The following TSC22D2 variants were observed in gnomAD, a reference collection of about 807,000 sequenced individuals.
TSC22D2 encodes TSC22 domain family protein 2.
In TSC22D2, 5 loss-of-function variants were observed where a neutral mutation model predicts 50.1. That is an observed-to-expected ratio of 0.10 (90% CI 0.05 to 0.21). The LOEUF (loss-of-function observed/expected upper bound fraction) is 0.21. TSC22D2 is among the 10% of genes least tolerant of loss of function. The pLI is 1.00. For synonymous variants in TSC22D2, 501 were observed against 450.1 expected (o/e 1.11, Z -1.43); for missense variants, 1,003 against 1,015.5 (o/e 0.99, Z 0.17).
intron 1 of TSC22D2, among the ~76,000 whole-genome samples, chr3:150,416,341 C>G (rs533607587): frequency 7.0e-4 from 105 of 150,812 alleles, no homozygotes; most frequent in Non-Finnish European, 1.3e-3. Flanking sequence ...TCTGGTTAAA[C>G]ATAGCCTGAA....
chr3:150,415,560 A>G (rs1719767192), intron 1 of TSC22D2, among the ~76,000 whole-genome samples: 1 of 152,234 alleles, frequency 6.6e-6, no homozygotes, highest in African/African-American at 2.4e-5. Flanking sequence ...ATGCCTTGTA[A>G]TCCTGGCACT....
intron 1 of TSC22D2, chr3:150,423,387 A>T (rs1720078641): frequency 4.4e-6 from 1 of 227,218 alleles, no homozygotes; most frequent in South Asian, 1.8e-4. Flanking sequence ...CTTATGAAAT[A>T]GTCACTTCCC....
Position 150,410,906 on chromosome 3 carries a change from C to G in TSC22D2, c.1556C>G (p.Pro519Arg). ...GCAGCCGTGCCCGCTCCAAGCGTGC[C>G]TAGTGTGTCTACCACTTCTGTTACT... ...VPAAVPAPSVPSVSTTSVTMP... is the reference protein window; with the variant it reads ...VPAAVPAPSVRSVSTTSVTMP... Residue 519 changes from proline to arginine, a missense_variant, in exon 1 of 3, where the codon CCT becomes CGT. Pro to Arg is a moderately radical substitution (Grantham distance 103). Coordinates refer to ENST00000688009, the MANE Select transcript of TSC22D2 (RefSeq NM_001303264.2). 1 of 1,614,086 alleles carries G rather than the reference C, an allele frequency of 6.2e-7. No homozygotes were observed. Among genetic ancestry groups the G allele is most frequent in the Non-Finnish European group, 8.5e-7 (1 of 1,180,034 alleles).
rs867799367 is a variant in TSC22D2, at chr3:150,465,565, C to A, written c.*6929C>A. ...TCCAACTTTTAATGTCCTAAAGAAA[C>A]ATACATGTGTTCACAAGATAGCCTG... On this transcript the variant is annotated 3_prime_UTR_variant, in exon 3 of 3. Coordinates refer to ENST00000688009, the MANE Select transcript of TSC22D2 (RefSeq NM_001303264.2). 1 of 152,170 alleles carries A rather than the reference C, an allele frequency of 6.6e-6. No homozygotes were observed. The highest frequency in any genetic ancestry group is 1.5e-5 in the Non-Finnish European group (1 of 68,016). The allele number at this position is 152,170 out of a possible 1,614,324, so 9.4% of individuals were successfully genotyped here. A position where few individuals can be genotyped will look rare whatever the true frequency, so the allele number is the denominator to read the frequency against.
In TSC22D2 at chr3:150,408,700, C is replaced by G. The variant is rs1046366588; in HGVS notation, c.-651C>G. ...CCTGGGGCTGAGCTCCGGCTAGAGCCGGGGAGGGAGGGCCGCCTGCCCGCG... is the reference window on the plus strand; with the variant it reads ...CCTGGGGCTGAGCTCCGGCTAGAGCGGGGGAGGGAGGGCCGCCTGCCCGCG... On this transcript the variant is annotated 5_prime_UTR_variant, in exon 1 of 3. Transcript: ENST00000688009. 3.3e-5 allele frequency: 5 copies of G among 153,078 alleles called. No individual in the cohort carries two copies. The highest frequency in any genetic ancestry group is 7.2e-5 in the African/African-American group (3 of 41,472). 9.5% of individuals were successfully genotyped at this position (153,078 alleles called of 1,614,324 possible). A position where few individuals can be genotyped will look rare whatever the true frequency, so the allele number is the denominator to read the frequency against.
intron 1 of TSC22D2, among the ~76,000 whole-genome samples, chr3:150,455,211 A>G (rs1721150598): frequency 6.6e-6 from 1 of 152,136 alleles, no homozygotes; most frequent in South Asian, 2.1e-4. Context: ...TTTTTGCCAA[A>G]ATGTGTTCAG....
rs1018481941 is a variant in TSC22D2, at chr3:150,411,220, C to T, written c.1870C>T (p.Leu624=). ...TGTGAAGCCGCCTGTTGCAGATTCC[C>T]TGGCAAACCCCCTTCAGTTAACACC... ...PVVKPPVADS[L]ANPLQLTPMN... Residue 624 remains leucine (L), a synonymous_variant, in exon 1 of 3, where the codon CTG becomes TTG. Coordinates refer to ENST00000688009, the MANE Select transcript of TSC22D2 (RefSeq NM_001303264.2). The T allele has an allele frequency of 3.7e-5, 59 of 1,614,086 alleles. No individual in the cohort carries two copies. The highest frequency in any genetic ancestry group is 4.8e-5 in the Non-Finnish European group (57 of 1,180,036).
Position 150,460,935 on chromosome 3 carries a change from T to A in TSC22D2, c.*2299T>A, listed in dbSNP as rs906385275. The A allele has an allele frequency of 9.2e-5, 14 of 152,036 alleles. No homozygotes were observed. Among genetic ancestry groups the A allele is most frequent in the Admixed American group, 3.9e-4 (6 of 15,270 alleles). The allele number at this position is 152,036 out of a possible 1,614,324, so 9.4% of individuals were successfully genotyped here. A position where few individuals can be genotyped will look rare whatever the true frequency, so the allele number is the denominator to read the frequency against. The stretch of plus-strand genomic sequence containing the variant: ...ACTACTTTTATATTAAGAAAAACAG[T>A]AGAAAAGGAGAGAAAATATGGGTAG... On this transcript the variant is annotated 3_prime_UTR_variant, in exon 3 of 3. Transcript: ENST00000688009.
Position 150,460,375 on chromosome 3 carries a change from C to T in TSC22D2, c.*1739C>T, listed in dbSNP as rs1446701617. On this transcript the variant is annotated 3_prime_UTR_variant, in exon 3 of 3. Coordinates refer to ENST00000688009, the MANE Select transcript of TSC22D2 (RefSeq NM_001303264.2). ...AGGTGCCTGTAGAAATTAACATGCA[C>T]TGCATCTGTAGCCAGCTAGCTAATC... The T allele has an allele frequency of 6.6e-6, 1 of 152,180 alleles. No individual in the cohort carries two copies. The highest frequency in any genetic ancestry group is 1.5e-5 in the Non-Finnish European group (1 of 68,030). The allele number at this position is 152,180 out of a possible 1,614,324, so 9.4% of individuals were successfully genotyped here. A position where few individuals can be genotyped will look rare whatever the true frequency, so the allele number is the denominator to read the frequency against.
At chr3:150,447,860 T>G (rs763092966) in intron 1 of TSC22D2, among the ~76,000 whole-genome samples, 2 of 152,200 alleles carry the variant, frequency 1.3e-5, no homozygotes, top group Non-Finnish European at 2.9e-5. Context: ...ATTTTTCCAG[T>G]CACCAAGAAA....
intron 1 of TSC22D2, among the ~76,000 whole-genome samples, chr3:150,427,610 A>AAT (rs1720235948): frequency 6.6e-6 from 1 of 152,112 alleles, no homozygotes; most frequent in Non-Finnish European, 1.5e-5. Context: ...GACCAACCCC[A>AAT]ATATATTCCT....
In TSC22D2 at chr3:150,430,888, G is replaced by T. The variant is rs1720355595; in HGVS notation, c.1958+19580G>T. Among the ~76,000 whole-genome samples, 4 of 151,962 alleles carry T rather than the reference G, an allele frequency of 2.6e-5. No homozygotes were observed. The South Asian group carries it at 6.2e-4, about 24-fold the overall frequency. ...ATTTTCTAATCAAAAAGAAGAGAAA[G>T]GTCTGAATCTTTAATTTGAAATAAT... On this transcript the variant is annotated intron_variant, in intron 1 of 2. Coordinates refer to ENST00000688009, the MANE Select transcript of TSC22D2 (RefSeq NM_001303264.2).
At chr3:150,457,522 C>T (rs1721226413) in intron 2 of TSC22D2, among the ~76,000 whole-genome samples, 1 of 152,170 alleles carries the variant, frequency 6.6e-6, no homozygotes, top group Non-Finnish European at 1.5e-5. Flanking sequence ...AGGCCAGGCA[C>T]AGTGGATTGT....
chr3:150,434,784 TTATA>T (rs1720483317), intron 1 of TSC22D2, among the ~76,000 whole-genome samples: 1 of 152,012 alleles, frequency 6.6e-6, no homozygotes, highest in African/African-American at 2.4e-5. Flanking sequence ...ACCAAACACT[TTATA>T]TATGTGTATA....
chr3:150,452,132 G>T (rs1385162202), intron 1 of TSC22D2, among the ~76,000 whole-genome samples: 2 of 152,088 alleles, frequency 1.3e-5, no homozygotes, highest in Non-Finnish European at 2.9e-5. Context: ...AAAAAAGTTG[G>T]TTTCTCATAG....
intron 1 of TSC22D2, among the ~76,000 whole-genome samples, chr3:150,411,966 A>T (rs1297707192): frequency 6.6e-6 from 1 of 152,204 alleles, no homozygotes; most frequent in Non-Finnish European, 1.5e-5. Flanking sequence ...ACTTTCCATC[A>T]GTCTATTTAT....
chr3:150,409,790 T>C lies in TSC22D2; in HGVS notation c.440T>C (p.Val147Ala). The change falls in exon 1 of 3, where the codon GTG becomes GCG. Residue 147 changes from valine to alanine, a missense_variant. Around this residue, in one of 6 missense-constraint regions of TSC22D2, gnomAD observed 200 missense variants for 182.8 expected, o/e 1.09. Coordinates refer to ENST00000688009, the MANE Select transcript of TSC22D2 (RefSeq NM_001303264.2). The surrounding 1 kb of genome is among the most constrained non-coding windows in gnomAD (Gnocchi z 7.4). ...CTCGCGGGCTCATCCGCCGGGCCAG[T>C]GACTGCAGCCCCATCTCAGCCTCCC... is the stretch of plus-strand genomic sequence containing the variant. The part of the protein sequence containing the change: ...PQLAGSSAGP[V>A]TAAPSQPPTT... 2 of 1,603,010 alleles carry C rather than the reference T, an allele frequency of 1.2e-6. No individual in the cohort carries two copies. The highest frequency in any genetic ancestry group is 8.5e-7 in the Non-Finnish European group (1 of 1,179,804).
chr3:150,409,912 A>G lies in TSC22D2; in HGVS notation c.562A>G (p.Arg188Gly), dbSNP rs771177196. Residue 188 changes from arginine (R) to glycine (G), a missense_variant, in exon 1 of 3, where the codon AGG becomes GGG. Physicochemically the swap from Arg to Gly is moderately radical, Grantham distance 125 (BLOSUM62 -2). Coordinates refer to ENST00000688009, the MANE Select transcript of TSC22D2 (RefSeq NM_001303264.2). This position sits in a 1 kb window ranked among gnomAD's most constrained non-coding sequence, Gnocchi z 7.4. ...GRWTCMEYYE[R>G]DSDSSVLTRS... ...ATGGACGTGTATGGAATACTATGAG[A>G]GGGATTCAGACAGCAGCGTCCTGAC... 16 of 1,613,840 alleles carry G rather than the reference A, an allele frequency of 9.9e-6. No individual in the cohort carries two copies. The highest frequency in any genetic ancestry group is 1.4e-5 in the Non-Finnish European group (16 of 1,180,026).
rs1468911334 is a variant in TSC22D2, at chr3:150,409,615, C to T, written c.265C>T (p.Leu89Phe). Residue 89 changes from leucine to phenylalanine, a missense_variant, in exon 1 of 3, where the codon CTC (leucine) becomes TTC (phenylalanine). This residue lies in a region of TSC22D2 where 200 missense variants were observed against 182.8 expected (regional missense o/e 1.09). Transcript: ENST00000688009. The surrounding 1 kb of genome is among the most constrained non-coding windows in gnomAD (Gnocchi z 7.4). The part of the protein sequence containing the change: ...ETPGTVSPNL[L>F]LDGQLAAAAA... Reference sequence around the variant, plus strand: ...TCCCGGGACCGTCTCCCCAAACCTCCTCCTAGATGGGCAGCTGGCAGCGGC... The same window carrying T: ...TCCCGGGACCGTCTCCCCAAACCTCTTCCTAGATGGGCAGCTGGCAGCGGC... 1.7e-5 allele frequency: 27 copies of T among 1,609,178 alleles called. No individual in the cohort carries two copies. The highest frequency in any genetic ancestry group is 2.2e-5 in the Non-Finnish European group (26 of 1,177,222).
Sources: gnomAD v4.1 joint callset for allele counts (sites outside exome capture counted in the v4.1 genomes callset) on GRCh38, gnomAD v4.1.1 for gene constraint, gnomAD v4.1.1 regional missense constraint, Gnocchi (gnomAD v3.1) non-coding constraint, MANE v1.5 for transcripts, NCBI Gene and HGNC (gene_info 2026-07-23, HGNC 2026-07-21) for gene names.